The following RREB1 variants were observed in gnomAD, a reference collection of about 807,000 sequenced individuals.
RREB1 encodes ras responsive element binding protein 1.
A neutral mutation model predicts 117.8 loss-of-function variants in RREB1; 27 were observed. The ratio of observed to expected loss-of-function variants is 0.23; its 90% CI spans 0.17 to 0.32. The LOEUF is 0.32. RREB1 is among the 10% of genes least tolerant of loss of function. The pLI is 1.00. For synonymous variants in RREB1, 1,298 were observed against 1,026.7 expected, an observed-to-expected ratio of 1.26 and a Z score of -5.05; for missense variants, 2,577 against 2,378.2, an observed-to-expected ratio of 1.08 and a Z score of -1.74.
chr6:7,122,447 G>T (rs1355919344), intron 1 of RREB1, among the ~76,000 whole-genome samples: 8 of 152,168 alleles, frequency 5.3e-5, no homozygotes, highest in Admixed American at 5.2e-4. Context: ...TAAAATTTTT[G>T]TAGAGGTGGG....
intron 4 of RREB1, chr6:7,184,675 G>T (rs1160553327): frequency 6.6e-6 from 1 of 152,070 alleles, no homozygotes; most frequent in East Asian, 1.9e-4. Flanking sequence ...GAAGGCTGGG[G>T]TGTCAGTTCA....
At chr6:7,110,545 A>G (rs1383536876) in intron 1 of RREB1, among the ~76,000 whole-genome samples, 2 of 151,684 alleles carry the variant, frequency 1.3e-5, no homozygotes, top group Non-Finnish European at 2.9e-5. Context: ...GTACCCGCTG[A>G]TGGGTCCTGC....
intron 1 of RREB1, among the ~76,000 whole-genome samples, chr6:7,158,865 C>CTT (rs369346517): frequency 6.7e-6 from 1 of 149,030 alleles, no homozygotes; most frequent in East Asian, 2.0e-4. Flanking sequence ...TTTTCAGACT[C>CTT]TTTTTTTTTT....
chr6:7,177,958 G>A (rs1287034190), intron 2 of RREB1, among the ~76,000 whole-genome samples: 5 of 152,142 alleles, frequency 3.3e-5, no homozygotes, highest in Admixed American at 1.3e-4. Context: ...CCTGACCTTA[G>A]GTGATCTGCC....
At chr6:7,135,697 AG>A (rs1400554676) in intron 1 of RREB1, among the ~76,000 whole-genome samples, 1 of 152,246 alleles carries the variant, frequency 6.6e-6, no homozygotes, top group African/African-American at 2.4e-5. Flanking sequence ...GACTGGGAGC[AG>A]GTATTCCGTT....
chr6:7,231,218 C>T lies in RREB1; in HGVS notation c.3119C>T (p.Ala1040Val), dbSNP rs1175105078. ...AGCTCAGCCCTCCTGAGTGGCACAGCCTTGCTGCGTCCACTGCGGCCCAAG... is the reference window on the plus strand; with the variant it reads ...AGCTCAGCCCTCCTGAGTGGCACAGTCTTGCTGCGTCCACTGCGGCCCAAG... ...VGSSALLSGT[A>V]LLRPLRPKPP... The change falls in exon 10 of 13, where the codon GCC (alanine) becomes GTC (valine). Residue 1040 changes from alanine to valine, a missense_variant. Ala to Val is a moderately conservative substitution (Grantham distance 64). Coordinates refer to ENST00000379938, the MANE Select transcript of RREB1 (RefSeq NM_001003699.4). 1.9e-6 allele frequency: 3 copies of T among 1,612,400 alleles called. No individual in the cohort carries two copies. The highest frequency in any genetic ancestry group is 2.5e-6 in the Non-Finnish European group (3 of 1,179,860).
intron 1 of RREB1, chr6:7,108,557 G>A (rs764212005): frequency 6.6e-6 from 1 of 152,468 alleles, no homozygotes; most frequent in Non-Finnish European, 1.5e-5. Context: ...CATCTTCCCA[G>A]CGCTGCTCTC....
At chr6:7,195,019 G>A (rs1325354584) in intron 6 of RREB1, among the ~76,000 whole-genome samples, 1 of 152,208 alleles carries the variant, frequency 6.6e-6, no homozygotes, top group African/African-American at 2.4e-5. Flanking sequence ...ACTTGGGGTA[G>A]TGCTTGTTAA....
At chr6:7,203,617 G>A (rs879913005) in intron 6 of RREB1, among the ~76,000 whole-genome samples, 2 of 152,120 alleles carry the variant, frequency 1.3e-5, no homozygotes, top group African/African-American at 4.8e-5. Flanking sequence ...CCACCAAAGC[G>A]TTTGCTTATA....
chr6:7,222,540 G>A (rs563014064), intron 8 of RREB1, among the ~76,000 whole-genome samples: 11 of 152,148 alleles, frequency 7.2e-5, no homozygotes, highest in East Asian at 1.9e-4. Context: ...ATTCTGCCAC[G>A]TCTTTATTGT....
rs199516377 is a variant in RREB1, at chr6:7,146,758, CTTCT to C, written c.-284-29890_-284-29887del. ...GCTATTTCTGGTGTGTCGTGGCTTT[CTTCT>C]TTCTTTTTTTTTTTTTGGTGGGGAG... On this transcript the variant is annotated intron_variant, in intron 1 of 12. Transcript: ENST00000379938. Among the ~76,000 whole-genome samples, 146 of 145,546 alleles carry C rather than the reference CTTCT, an allele frequency of 1.0e-3. 2 individuals are homozygous for C. In the East Asian group the frequency reaches 0.027, roughly 26 times the overall value.
intron 4 of RREB1, among the ~76,000 whole-genome samples, chr6:7,185,897 G>A (rs1009789054): frequency 5.3e-5 from 8 of 152,140 alleles, no homozygotes; most frequent in Non-Finnish European, 1.0e-4. Flanking sequence ...CTCTGACTTG[G>A]GGCAGGTTAC....
At chr6:7,194,762 A>G (rs753078079) in intron 6 of RREB1, among the ~76,000 whole-genome samples, 1 of 152,196 alleles carries the variant, frequency 6.6e-6, no homozygotes, top group Non-Finnish European at 1.5e-5. Flanking sequence ...TAATGTTTGT[A>G]AAAGGGTTCT....
Position 7,249,089 on chromosome 6 carries a change from GA to G in RREB1, c.*122del. The G allele has an allele frequency of 1.3e-6, 1 of 788,390 alleles. No individual in the cohort carries two copies. Among genetic ancestry groups the G allele is most frequent in the Non-Finnish European group, 1.9e-6 (1 of 517,998 alleles). The allele number at this position is 788,390 out of a possible 1,614,324, so 48.8% of individuals were successfully genotyped here. ...AGAGAGAGAGAGAGAGAGAGAGAGA[GA>G]GAGAGAGAGAGAGACAAGCAGGAGC... On this transcript the variant is annotated 3_prime_UTR_variant, in exon 13 of 13. Transcript: ENST00000379938.
chr6:7,205,131 A>G (rs1195113138), intron 6 of RREB1, among the ~76,000 whole-genome samples: 4 of 152,220 alleles, frequency 2.6e-5, no homozygotes, highest in Non-Finnish European at 4.4e-5. Flanking sequence ...GAGCTGGAGA[A>G]GTTCACTGTG....
chr6:7,180,701 C>T (rs1651381634), intron 2 of RREB1, among the ~76,000 whole-genome samples: 1 of 152,178 alleles, frequency 6.6e-6, no homozygotes, highest in African/African-American at 2.4e-5. Flanking sequence ...TTAGGTCTGT[C>T]CTGAGAGTGT....
intron 3 of RREB1, 110 bp downstream of exon 3, chr6:7,181,356 T>C (rs1027330143): frequency 1.5e-5 from 6 of 400,138 alleles, no homozygotes; most frequent in Non-Finnish European, 2.2e-5. Flanking sequence ...GAAATTTGTT[T>C]GTAACTCTGA....
At chr6:7,151,802 T>A (rs1410583633) in intron 1 of RREB1, among the ~76,000 whole-genome samples, 1 of 152,198 alleles carries the variant, frequency 6.6e-6, no homozygotes, top group Non-Finnish European at 1.5e-5. Context: ...GGGAACAGTG[T>A]GTAAAAGTCT....
At chr6:7,163,003 C>T (rs1396649432) in intron 1 of RREB1, among the ~76,000 whole-genome samples, 2 of 152,102 alleles carry the variant, frequency 1.3e-5, no homozygotes, top group African/African-American at 2.4e-5. Flanking sequence ...GTACCCACCA[C>T]CACACTTGCA....
Sources: gnomAD v4.1 joint callset for allele counts (sites outside exome capture counted in the v4.1 genomes callset) on GRCh38, gnomAD v4.1.1 for gene constraint, MANE v1.5 for transcripts, NCBI Gene and HGNC (gene_info 2026-07-23, HGNC 2026-07-21) for gene names.